WWOX: variants seen among roughly 807,000 people sequenced by gnomAD.
WWOX encodes WW domain containing oxidoreductase, also known as WW domain-containing oxidoreductase.
Under a neutral mutation model 46.2 loss-of-function variants are expected in WWOX, and 69 were observed. That is an observed-to-expected ratio of 1.49 (90% CI 1.23 to 1.82). The LOEUF (loss-of-function observed/expected upper bound fraction) is 1.82. Among genes scored for constraint, WWOX ranks in the 40% most tolerant of loss-of-function variants. The pLI is 0.00. For missense variants in WWOX, 919 were observed against 542.6 expected (o/e 1.69, Z -6.89); for synonymous variants, 359 against 202.6 (o/e 1.77, Z -6.56).
intron 5 of WWOX, among the ~76,000 whole-genome samples, chr16:78,311,586 T>C (rs757428625): frequency 6.6e-6 from 1 of 152,142 alleles, no homozygotes; most frequent in African/African-American, 2.4e-5. Context: ...ACCTTACAAA[T>C]ACATGTGCAG....
chr16:78,647,436 C>T (rs1124434), intron 8 of WWOX, among the ~76,000 whole-genome samples: 63,921 of 151,906 alleles, frequency 0.42, 16,265 homozygotes, highest in Middle Eastern at 0.62. Flanking sequence ...GATTAGCACA[C>T]GGTTCCATGA....
intron 5 of WWOX, among the ~76,000 whole-genome samples, chr16:78,181,718 C>T (rs2035537904): frequency 6.6e-6 from 1 of 152,038 alleles, no homozygotes; most frequent in African/African-American, 2.4e-5. Flanking sequence ...CTGAGGAACA[C>T]AGGAATTTAT....
intron 8 of WWOX, among the ~76,000 whole-genome samples, chr16:78,816,500 C>G (rs1401022690): frequency 1.1e-5 from 1 of 93,484 alleles, no homozygotes; most frequent in Non-Finnish European, 2.2e-5. Flanking sequence ...GAAGGAGCCA[C>G]TCTTTTTTTT....
intron 8 of WWOX, among the ~76,000 whole-genome samples, chr16:78,653,284 G>C (rs559207952): frequency 1.3e-5 from 2 of 152,064 alleles, no homozygotes; most frequent in East Asian, 3.9e-4. Context: ...GGATAGCTAG[G>C]CCATTTATAA....
intron 5 of WWOX, among the ~76,000 whole-genome samples, chr16:78,292,315 A>G (rs1028155778): frequency 2.6e-5 from 4 of 152,180 alleles, no homozygotes; most frequent in African/African-American, 7.2e-5. Flanking sequence ...TGAATACGTC[A>G]AAGTGATGAG....
At chr16:78,642,920 G>C (rs1260023583) in intron 8 of WWOX, among the ~76,000 whole-genome samples, 2 of 152,166 alleles carry the variant, frequency 1.3e-5, no homozygotes, top group Non-Finnish European at 2.9e-5. Flanking sequence ...GTAAAATCCT[G>C]GGATGATAGC....
At chr16:78,412,718 A>G (rs1332205308) in intron 6 of WWOX, among the ~76,000 whole-genome samples, 1 of 152,164 alleles carries the variant, frequency 6.6e-6, no homozygotes, top group Non-Finnish European at 1.5e-5. Flanking sequence ...TTATTGATTG[A>G]GAAGCCACTC....
rs191257844 is a variant in WWOX at position 79,071,913 on chromosome 16, G to A, written c.1057-139695G>A. 2.6e-3 allele frequency among the ~76,000 whole-genome samples: 389 copies of A among 152,312 alleles called. 1 individual carries two copies. Among genetic ancestry groups the A allele is most frequent in the Admixed American group, 5.6e-3 (86 of 15,298 alleles). ...CCAGATGGTCTCATTGGGTGGTAGG[G>A]TGGCCAAACCTTGTGTGAGCTGGCT... On this transcript the variant is annotated intron_variant, in intron 8 of 8. Coordinates refer to ENST00000566780, the MANE Select transcript of WWOX (RefSeq NM_016373.4).
intron 4 of WWOX, among the ~76,000 whole-genome samples, chr16:78,116,501 G>C (rs1045843205): frequency 3.9e-5 from 6 of 152,142 alleles, no homozygotes; most frequent in Admixed American, 3.9e-4. Flanking sequence ...AGAATTGAAA[G>C]GATTTTATTT....
intron 8 of WWOX, among the ~76,000 whole-genome samples, chr16:78,881,021 C>G (rs1266360684): frequency 8.4e-6 from 1 of 119,084 alleles, no homozygotes; most frequent in Non-Finnish European, 1.6e-5. Flanking sequence ...GAGACAAAGT[C>G]TCGCCCTGTT....
chr16:78,103,082 C>G (rs1430153707), intron 1 of WWOX, among the ~76,000 whole-genome samples: 1 of 152,126 alleles, frequency 6.6e-6, no homozygotes, highest in Admixed American at 6.5e-5. Flanking sequence ...CTGCGTGCCC[C>G]CTGCGCCTGC....
intron 8 of WWOX, among the ~76,000 whole-genome samples, chr16:78,558,837 C>G (rs367754846): frequency 5.3e-5 from 8 of 152,334 alleles, no homozygotes; most frequent in African/African-American, 1.9e-4. Context: ...GAAGACTTGC[C>G]TGAATCCTAG....
intron 8 of WWOX, among the ~76,000 whole-genome samples, chr16:78,648,333 C>G (rs1036463277): frequency 2.0e-5 from 3 of 152,188 alleles, no homozygotes; most frequent in African/African-American, 7.2e-5. Flanking sequence ...GGTGGGTGCT[C>G]ACTCCTTCAT....
chr16:78,353,887 G>C (rs527284484), intron 5 of WWOX, among the ~76,000 whole-genome samples: 1 of 152,316 alleles, frequency 6.6e-6, no homozygotes, highest in South Asian at 2.1e-4. Context: ...CAGGATTCTC[G>C]TAAAATTCCT....
chr16:78,577,444 T>C (rs1452577384), intron 8 of WWOX, among the ~76,000 whole-genome samples: 1 of 152,160 alleles, frequency 6.6e-6, no homozygotes, highest in Non-Finnish European at 1.5e-5. Context: ...GAGCAAATCA[T>C]TTAGCTGGCT....
chr16:78,360,923 C>T (rs760757937), intron 5 of WWOX, among the ~76,000 whole-genome samples: 43 of 151,964 alleles, frequency 2.8e-4, no homozygotes, highest in African/African-American at 3.1e-4. Flanking sequence ...TAGGCTCAAG[C>T]GATCCTCCCA....
At chr16:78,171,567 C>T (rs7206730) in intron 5 of WWOX, among the ~76,000 whole-genome samples, 22,757 of 152,028 alleles carry the variant, frequency 0.15, 1,922 homozygotes, top group East Asian at 0.22. Context: ...CATTCGTCAA[C>T]GCATCACAAG....
At chr16:78,806,964 C>A (rs2051057391) in intron 8 of WWOX, among the ~76,000 whole-genome samples, 1 of 152,194 alleles carries the variant, frequency 6.6e-6, no homozygotes. Context: ...CTCTTACTAG[C>A]CACATGACTG....
chr16:78,971,781 C>G (rs1310348191), intron 8 of WWOX, among the ~76,000 whole-genome samples: 1 of 150,350 alleles, frequency 6.7e-6, no homozygotes, highest in East Asian at 2.0e-4. Flanking sequence ...CAAACTTTAC[C>G]TGAGGATTTT....
Sources: gnomAD v4.1 joint callset for allele counts (sites outside exome capture counted in the v4.1 genomes callset) on GRCh38, gnomAD v4.1.1 for gene constraint, MANE v1.5 for transcripts, NCBI Gene and HGNC (gene_info 2026-07-23, HGNC 2026-07-21) for gene names.